Variants in WWOX observed in about 807,000 individuals in gnomAD.
WWOX encodes the protein WW domain containing oxidoreductase.
A neutral mutation model predicts 46.2 loss-of-function variants in WWOX; 69 were observed. The ratio of observed to expected loss-of-function variants is 1.49; its 90% CI spans 1.23 to 1.82. WWOX has a LOEUF of 1.82. WWOX is among the 40% of genes most tolerant of loss of function. The pLI is 0.00. For missense variants in WWOX, 919 were observed against 542.6 expected (o/e 1.69, Z -6.89); for synonymous variants, 359 against 202.6 (o/e 1.77, Z -6.56).
chr16:78,790,280 G>C (rs903296984), intron 8 of WWOX, among the ~76,000 whole-genome samples: 1 of 152,020 alleles, frequency 6.6e-6, no homozygotes, highest in African/African-American at 2.4e-5. Flanking sequence ...GATTACAGGC[G>C]CACGCCAGCA....
At chr16:78,252,306 A>T (rs112287685) in intron 5 of WWOX, among the ~76,000 whole-genome samples, 1 of 152,230 alleles carries the variant, frequency 6.6e-6, no homozygotes, top group Non-Finnish European at 1.5e-5. Flanking sequence ...GTGCATACAC[A>T]TACATTGTTT....
At chr16:79,115,847 G>A (rs1014128349) in intron 8 of WWOX, among the ~76,000 whole-genome samples, 4 of 152,140 alleles carry the variant, frequency 2.6e-5, no homozygotes, top group African/African-American at 9.7e-5. Context: ...CACCCAATTC[G>A]GATGTGTTAG....
intron 8 of WWOX, among the ~76,000 whole-genome samples, chr16:79,113,758 G>A (rs966392654): frequency 3.3e-5 from 5 of 152,210 alleles, no homozygotes; most frequent in African/African-American, 4.8e-5. Flanking sequence ...ACCCGAGGAG[G>A]GGAAGAGGGA....
intron 8 of WWOX, among the ~76,000 whole-genome samples, chr16:79,100,406 C>T (rs565317420): frequency 4.9e-4 from 74 of 152,208 alleles, no homozygotes; most frequent in Non-Finnish European, 7.6e-4. Flanking sequence ...TAAGCCAATA[C>T]GAGATGGGTT....
At chr16:78,806,623 C>T (rs1000781049) in intron 8 of WWOX, among the ~76,000 whole-genome samples, 10 of 152,148 alleles carry the variant, frequency 6.6e-5, no homozygotes, top group East Asian at 1.9e-4. Context: ...CACAATATGG[C>T]GGCTGGGTTC....
At chr16:78,396,076 C>G (rs998067003) in intron 6 of WWOX, among the ~76,000 whole-genome samples, 2 of 152,168 alleles carry the variant, frequency 1.3e-5, no homozygotes, top group African/African-American at 4.8e-5. Flanking sequence ...TTTGCCCTCA[C>G]CTCATCATTT....
intron 8 of WWOX, among the ~76,000 whole-genome samples, chr16:78,649,205 A>G (rs1219864470): frequency 6.6e-6 from 1 of 152,026 alleles, no homozygotes; most frequent in Non-Finnish European, 1.5e-5. Context: ...GGCTGGTCTC[A>G]AACTCTGGAC....
chr16:78,715,142 A>C (rs2048531533), intron 8 of WWOX, among the ~76,000 whole-genome samples: 1 of 152,134 alleles, frequency 6.6e-6, no homozygotes. Context: ...ATGGATTGTG[A>C]TGAATTAGGA....
intron 8 of WWOX, among the ~76,000 whole-genome samples, chr16:79,095,917 C>T (rs182859756): frequency 7.4e-6 from 1 of 134,996 alleles, no homozygotes; most frequent in Admixed American, 8.1e-5. Flanking sequence ...TAGGCATGAT[C>T]TAGCTCACTG....
chr16:78,818,504 G>C lies in WWOX; in HGVS notation c.1056+385752G>C, dbSNP rs1231888467. The stretch of plus-strand genomic sequence containing the variant: ...CCAGCACTTCGGGAGGCCACGGCAA[G>C]AGGATCACTTGAAGCCAGGAGTTTG... On this transcript the variant is annotated intron_variant, in intron 8 of 8. Transcript: ENST00000566780. Among the ~76,000 whole-genome samples, 3 of 152,252 alleles carry C rather than the reference G, an allele frequency of 2.0e-5. No homozygotes were observed. The East Asian group carries it at 5.8e-4, about 29-fold the overall frequency.
At chr16:78,699,451 A>G (rs1567499880) in intron 8 of WWOX, among the ~76,000 whole-genome samples, 1 of 151,946 alleles carries the variant, frequency 6.6e-6, no homozygotes, top group Non-Finnish European at 1.5e-5. Flanking sequence ...AAGTGGGAAG[A>G]TATCCTGAGC....
intron 5 of WWOX, among the ~76,000 whole-genome samples, chr16:78,263,612 G>C (rs557410390): frequency 1.4e-4 from 21 of 151,536 alleles, no homozygotes; most frequent in Non-Finnish European, 3.1e-4. Context: ...TGATGGGGCT[G>C]TCAACAGAGA....
Position 79,069,213 on chromosome 16 carries a change from A to G in WWOX, c.1057-142395A>G, listed in dbSNP as rs183307945. 4.3e-4 allele frequency among the ~76,000 whole-genome samples: 65 copies of G among 152,312 alleles called. 1 individual carries two copies. The highest frequency in any genetic ancestry group is 1.5e-3 in the African/African-American group (63 of 41,572). ...TGACCTGGAATGGTGGAAAATAAAG[A>G]AAACTTCAGCATGTAGCAAGTAGTT... On this transcript the variant is annotated intron_variant, in intron 8 of 8. Transcript: ENST00000566780.
At chr16:78,576,635 C>A (rs1410409576) in intron 8 of WWOX, among the ~76,000 whole-genome samples, 5 of 152,124 alleles carry the variant, frequency 3.3e-5, no homozygotes, top group Admixed American at 3.3e-4. Context: ...AAGTTTGTGA[C>A]CAGCCTGGGC....
In WWOX at chr16:78,864,849, A is replaced by G. The variant is rs142378439; in HGVS notation, c.1057-346759A>G. 1.0e-2 allele frequency among the ~76,000 whole-genome samples: 1,245 copies of G among 124,898 alleles called. 23 individuals are homozygous for G. The highest frequency in any genetic ancestry group is 0.036 in the African/African-American group (1,182 of 32,458). 81.9% of individuals were successfully genotyped at this position (124,898 alleles called of 152,430 possible). ...GTGAACTCGGCTCACTGCAACATCC[A>G]CCTCCCGGGTTCAAGCGATTCTCCT... On this transcript the variant is annotated intron_variant, in intron 8 of 8. Transcript: ENST00000566780.
Position 78,372,222 on chromosome 16 carries a change from T to G in WWOX, c.517-14638T>G, listed in dbSNP as rs762136225. On this transcript the variant is annotated intron_variant, in intron 5 of 8. Coordinates refer to ENST00000566780, the MANE Select transcript of WWOX (RefSeq NM_016373.4). Reference sequence around the variant, plus strand: ...CCCTTATTCTCACACAGAGAACATATTCACTTTTCTTCCAAAGGCAGAGTC... The same window carrying G: ...CCCTTATTCTCACACAGAGAACATAGTCACTTTTCTTCCAAAGGCAGAGTC... Among the ~76,000 whole-genome samples, 3 of 152,190 alleles carry G rather than the reference T, an allele frequency of 2.0e-5. No homozygotes were observed. The South Asian group carries it at 6.2e-4, about 32-fold the overall frequency.
At chr16:79,160,556 G>A (rs569256331) in intron 8 of WWOX, among the ~76,000 whole-genome samples, 1 of 152,274 alleles carries the variant, frequency 6.6e-6, no homozygotes, top group South Asian at 2.1e-4. Flanking sequence ...TAAATTCTGA[G>A]GTGAAGTGGA....
intron 8 of WWOX, among the ~76,000 whole-genome samples, chr16:78,888,700 T>C (rs1159798896): frequency 6.6e-6 from 1 of 152,188 alleles, no homozygotes; most frequent in Non-Finnish European, 1.5e-5. Context: ...GTAGAATCCC[T>C]TTGCTCATCT....
chr16:78,596,179 A>AT (rs2045484841), intron 8 of WWOX, among the ~76,000 whole-genome samples: 1 of 152,176 alleles, frequency 6.6e-6, no homozygotes, highest in African/African-American at 2.4e-5. Context: ...CTTTTGAGTG[A>AT]TATCAACAAA....
Sources: allele counts gnomAD v4.1 joint callset (sites outside exome capture counted in the v4.1 genomes callset), GRCh38; gene constraint gnomAD v4.1.1; transcripts MANE v1.5; gene names NCBI Gene and HGNC (gene_info 2026-07-23, HGNC 2026-07-21).